The following PI4KA variants were observed in gnomAD, a reference collection of about 807,000 sequenced individuals.
PI4KA encodes the protein phosphatidylinositol 4-kinase alpha.
In PI4KA, 122 loss-of-function variants were observed where a neutral mutation model predicts 271.4. The ratio of observed to expected loss-of-function variants is 0.45; its 90% CI spans 0.39 to 0.52. The LOEUF (loss-of-function observed/expected upper bound fraction) is 0.52, where lower values mean the gene tolerates loss of function less well. PI4KA is among the 20% of genes least tolerant of loss of function. PI4KA has a pLI of 0.00. For synonymous variants in PI4KA, 1,041 were observed against 1,078.8 expected (o/e 0.96, Z 0.69); for missense variants, 1,969 against 2,769.1 (o/e 0.71, Z 6.48).
chr22:20,757,803 C>T (rs1931467007), intron 23 of PI4KA, among the ~76,000 whole-genome samples: 1 of 152,198 alleles, frequency 6.6e-6, no homozygotes, highest in Non-Finnish European at 1.5e-5. Flanking sequence ...TTCAGCCTCC[C>T]AGAGTGCTGG....
At chr22:20,743,128 T>C (rs934001939) in intron 30 of PI4KA, among the ~76,000 whole-genome samples, 2 of 152,148 alleles carry the variant, frequency 1.3e-5, no homozygotes, top group Admixed American at 1.3e-4. Context: ...AATTAATGAC[T>C]CAAACAACAA....
chr22:20,712,478 C>T lies in PI4KA; in HGVS notation c.5802+8G>A, dbSNP rs754600976. 3.1e-6 allele frequency: 5 copies of T among 1,607,468 alleles called. No homozygotes were observed. Among genetic ancestry groups the T allele is most frequent in the Middle Eastern group, 1.9e-4 (1 of 5,270 alleles). ...CGACCTCCCCCGGCCTGTGGCCACC[C>T]TGGCTACCTGCTGGAAGGCCAGAGT... On this transcript the variant is annotated splice_region_variant and intron_variant, in intron 50 of 54. Coordinates refer to ENST00000255882, the MANE Select transcript of PI4KA (RefSeq NM_058004.4).
intron 19 of PI4KA, among the ~76,000 whole-genome samples, chr22:20,791,472 G>A (rs575638438): frequency 6.6e-6 from 1 of 152,140 alleles, no homozygotes; most frequent in East Asian, 1.9e-4. Context: ...ATCAACCAAT[G>A]GGGCCAGGCA....
intron 18 of PI4KA, among the ~76,000 whole-genome samples, chr22:20,795,046 G>T (rs764333384): frequency 7.2e-5 from 11 of 152,180 alleles, no homozygotes; most frequent in Non-Finnish European, 1.5e-4. Flanking sequence ...TCTGGGGGAA[G>T]GGGAAGGAAG....
In PI4KA at chr22:20,742,802, C is replaced by G. The variant is rs751721407; in HGVS notation, c.3457-38G>C. 6 of 1,607,510 alleles carry G rather than the reference C, an allele frequency of 3.7e-6. No individual in the cohort carries two copies. The Admixed American group carries it at 8.3e-5, about 22-fold the overall frequency. On this transcript the variant is annotated intron_variant, in intron 30 of 54. Transcript: ENST00000255882. Reference sequence around the variant, plus strand: ...TCTCATCAGCAACTAAGCATATAATCCAGGCAATGTGGGTAAGGTTCTGGA... The same window carrying G: ...TCTCATCAGCAACTAAGCATATAATGCAGGCAATGTGGGTAAGGTTCTGGA...
At chr22:20,813,281 T>A (rs1243313602) in intron 8 of PI4KA, 77 bp downstream of exon 8, 24 of 1,165,804 alleles carry the variant, frequency 2.1e-5, no homozygotes, top group Non-Finnish European at 2.6e-5. Context: ...GAGTTTTTCT[T>A]TTAAAAATAC....
chr22:20,721,911 T>C (rs999054502), intron 42 of PI4KA: 1 of 162,050 alleles, frequency 6.2e-6, no homozygotes, highest in African/African-American at 2.4e-5. Flanking sequence ...CCTCAGGTGT[T>C]GAGGAAGAGA....
At chr22:20,807,676 G>A (rs1413335970) in intron 9 of PI4KA, among the ~76,000 whole-genome samples, 1 of 152,226 alleles carries the variant, frequency 6.6e-6, no homozygotes, top group Non-Finnish European at 1.5e-5. Context: ...AGAGATGCCT[G>A]CGGGGGAGCA....
chr22:20,784,023 G>C lies in PI4KA; in HGVS notation c.2328+9170C>G, dbSNP rs142500721. On this transcript the variant is annotated intron_variant, in intron 19 of 54. Transcript: ENST00000255882. Reference sequence around the variant, plus strand: ...GAAATGACACACAACCACAACTTCCGGCTGAATGAGAGAGAGGTAGTTAAG... The same window carrying C: ...GAAATGACACACAACCACAACTTCCCGCTGAATGAGAGAGAGGTAGTTAAG... 66 of 1,613,972 alleles carry C rather than the reference G, an allele frequency of 4.1e-5. No individual in the cohort carries two copies. Among genetic ancestry groups the C allele is most frequent in the Non-Finnish European group, 5.5e-5 (65 of 1,180,034 alleles).
At chr22:20,743,002 T>G (rs191122982) in intron 30 of PI4KA, 2 of 540,654 alleles carry the variant, frequency 3.7e-6, no homozygotes, top group Non-Finnish European at 6.6e-6. Context: ...CCACTGCAGA[T>G]GTTCCCCAAG....
intron 6 of PI4KA, 37 bp from the exon 7 acceptor site, chr22:20,818,586 C>G: frequency 6.9e-7 from 1 of 1,444,980 alleles, no homozygotes; most frequent in African/African-American, 1.5e-5. Flanking sequence ...TCAGAAAAGA[C>G]CAGTGAGACC....
chr22:20,801,516 C>T (rs1284552694), intron 14 of PI4KA, among the ~76,000 whole-genome samples: 1 of 151,420 alleles, frequency 6.6e-6, no homozygotes, highest in Non-Finnish European at 1.5e-5. Context: ...ACCCAGGAGG[C>T]AGAGGTTGCT....
intron 23 of PI4KA, among the ~76,000 whole-genome samples, chr22:20,753,913 C>G (rs1332818223): frequency 6.6e-6 from 1 of 152,136 alleles, no homozygotes; most frequent in Non-Finnish European, 1.5e-5. Flanking sequence ...GTCTTGATCT[C>G]CTGACATCGT....
intron 13 of PI4KA, among the ~76,000 whole-genome samples, chr22:20,802,723 T>G (rs1183504754): frequency 6.6e-6 from 1 of 152,178 alleles, no homozygotes; most frequent in South Asian, 2.1e-4. Flanking sequence ...TGCTCTGACT[T>G]TAAGTCTTCA....
chr22:20,784,428 G>C (rs190970174), intron 19 of PI4KA, among the ~76,000 whole-genome samples: 32 of 152,224 alleles, frequency 2.1e-4, no homozygotes, highest in Middle Eastern at 3.4e-3. Context: ...TGATTAGAGA[G>C]CATTCATAAG....
At chr22:20,757,823 C>T (rs576123734) in intron 23 of PI4KA, among the ~76,000 whole-genome samples, 150 of 152,244 alleles carry the variant, frequency 9.9e-4, no homozygotes, top group Admixed American at 4.5e-3. Context: ...GGATTACAGG[C>T]GTGAGCTACC....
At chr22:20,778,274 G>A (rs1438241255) in intron 19 of PI4KA, among the ~76,000 whole-genome samples, 1 of 152,116 alleles carries the variant, frequency 6.6e-6, no homozygotes, top group East Asian at 1.9e-4. Flanking sequence ...GCTGAGGTGG[G>A]TGGATCACCT....
At position 20,726,433 on chromosome 22, in the gene PI4KA, T is replaced by TG. The variant is rs11462205; in HGVS notation, c.4995+54dup. On this transcript the variant is annotated intron_variant, in intron 42 of 54. Transcript: ENST00000255882. The stretch of plus-strand genomic sequence containing the variant: ...GGCTGGGGACAGACCGGGCACAAGC[T>TG]GGTGTGGAACACACTCTGTGAGTGA... The TG allele has an allele frequency of 0.44, 637,621 of 1,451,094 alleles. 142,237 individuals carry two copies. The highest frequency in any genetic ancestry group is 0.53 in the Admixed American group (18,496 of 34,816). The allele number at this position is 1,451,094 out of a possible 1,614,324, so 89.9% of individuals were successfully genotyped here.
intron 1 of PI4KA, among the ~76,000 whole-genome samples, chr22:20,847,959 C>T (rs1475970883): frequency 6.6e-6 from 1 of 151,948 alleles, no homozygotes; most frequent in Admixed American, 6.5e-5. Flanking sequence ...CAATACAGGC[C>T]GAGCACAGTG....
Sources: gnomAD v4.1 joint callset for allele counts (sites outside exome capture counted in the v4.1 genomes callset) on GRCh38, gnomAD v4.1.1 for gene constraint, MANE v1.5 for transcripts, NCBI Gene and HGNC (gene_info 2026-07-23, HGNC 2026-07-21) for gene names.